Variants in GRIN2A observed in about 807,000 individuals in gnomAD.
GRIN2A encodes glutamate ionotropic receptor NMDA type subunit 2A.
A neutral mutation model predicts 113.4 loss-of-function variants in GRIN2A; 22 were observed. The observed-to-expected ratio is 0.19, with a 90% CI of 0.14 to 0.28. The LOEUF is 0.28. GRIN2A is among the 10% of genes least tolerant of loss of function. GRIN2A has a pLI of 1.00. For missense variants in GRIN2A, 1,502 were observed against 1,887.0 expected (o/e 0.80, Z 3.78); for synonymous variants, 827 against 738.4 (o/e 1.12, Z -1.94).
At chr16:10,102,949 C>T (rs1003108735) in intron 2 of GRIN2A, among the ~76,000 whole-genome samples, 6 of 152,184 alleles carry the variant, frequency 3.9e-5, no homozygotes, top group Non-Finnish European at 7.4e-5. Context: ...GTGGATGCCT[C>T]GGTTGCTGCA....
At position 9,808,312 on chromosome 16, in the gene GRIN2A, A is replaced by G. The variant is rs543056311; in HGVS notation, c.2169-9848T>C. On this transcript the variant is annotated intron_variant, in intron 10 of 12. Transcript: ENST00000330684. ...AGTCTAAGATGTTAATAACTTGTCCAAGGTCCCAACACTGGATGTCACTGG... is the reference window on the plus strand; with the variant it reads ...AGTCTAAGATGTTAATAACTTGTCCGAGGTCCCAACACTGGATGTCACTGG... 2.5e-3 allele frequency among the ~76,000 whole-genome samples: 382 copies of G among 152,288 alleles called. 3 individuals carry two copies. The highest frequency in any genetic ancestry group is 8.7e-3 in the African/African-American group (362 of 41,548).
At chr16:9,866,185 T>C (rs1415399824) in intron 4 of GRIN2A, among the ~76,000 whole-genome samples, 2 of 152,008 alleles carry the variant, frequency 1.3e-5, no homozygotes, top group Non-Finnish European at 2.9e-5. Context: ...AAACAGAAAA[T>C]GCTAACAGCC....
intron 2 of GRIN2A, among the ~76,000 whole-genome samples, chr16:9,973,928 G>C (rs1404242540): frequency 6.6e-6 from 1 of 152,128 alleles, no homozygotes; most frequent in Admixed American, 6.5e-5. Context: ...AGTTATTCAA[G>C]CTGATACAAG....
rs35189803 is a variant in GRIN2A at position 9,760,374 on chromosome 16, A to ATTTTTTTTTTT, written c.*2764_*2774dup. 111 of 94,034 alleles carry ATTTTTTTTTTT rather than the reference A, an allele frequency of 1.2e-3. 2 individuals are homozygous for ATTTTTTTTTTT. The highest frequency in any genetic ancestry group is 1.8e-3 in the African/African-American group (36 of 20,242). The allele number at this position is 94,034 out of a possible 1,614,324, so 5.8% of individuals were successfully genotyped here. ...AAATTGACCATCTGATCAGTAGTTG[A>ATTTTTTTTTTT]TTTTTTTTTTTTTTTTTTTTTTTTG... On this transcript the variant is annotated 3_prime_UTR_variant, in exon 13 of 13. Coordinates refer to ENST00000330684, the MANE Select transcript of GRIN2A (RefSeq NM_001134407.3).
chr16:9,769,293 G>A (rs963435805), intron 11 of GRIN2A: 1 of 420,100 alleles, frequency 2.4e-6, no homozygotes, highest in Admixed American at 3.6e-5. Flanking sequence ...TTGCAGTGAG[G>A]ACAAAATTTA....
chr16:9,957,923 A>G (rs2045343521), intron 2 of GRIN2A, among the ~76,000 whole-genome samples: 1 of 152,172 alleles, frequency 6.6e-6, no homozygotes, highest in Non-Finnish European at 1.5e-5. Context: ...GGCCACTGAT[A>G]TGAAGGGCTT....
At chr16:10,128,306 T>C (rs73514608) in intron 2 of GRIN2A, among the ~76,000 whole-genome samples, 1 of 152,306 alleles carries the variant, frequency 6.6e-6, no homozygotes, top group African/African-American at 2.4e-5. Flanking sequence ...CAGTGAATTA[T>C]CAAAGATAAG....
At chr16:9,828,634 G>C (rs1279364858) in intron 9 of GRIN2A, among the ~76,000 whole-genome samples, 2 of 152,136 alleles carry the variant, frequency 1.3e-5, no homozygotes, top group Non-Finnish European at 2.9e-5. Context: ...GTCTCAATAG[G>C]AGGATGCACC....
At chr16:9,886,178 G>A (rs1474795966) in intron 4 of GRIN2A, among the ~76,000 whole-genome samples, 1 of 152,134 alleles carries the variant, frequency 6.6e-6, no homozygotes, top group Non-Finnish European at 1.5e-5. Flanking sequence ...ATCGCAGATT[G>A]TGTAACATCA....
At chr16:10,073,145 G>A (rs1263743498) in intron 2 of GRIN2A, among the ~76,000 whole-genome samples, 1 of 151,752 alleles carries the variant, frequency 6.6e-6, no homozygotes, top group Admixed American at 6.6e-5. Context: ...TAGTAGAGAT[G>A]GGGTTTCACC....
At chr16:9,998,075 T>C (rs989474192) in intron 2 of GRIN2A, among the ~76,000 whole-genome samples, 3 of 152,252 alleles carry the variant, frequency 2.0e-5, no homozygotes, top group Non-Finnish European at 4.4e-5. Flanking sequence ...TAATAGGTTA[T>C]GCTTTTTGTT....
At chr16:10,134,112 C>A (rs1392121163) in intron 2 of GRIN2A, among the ~76,000 whole-genome samples, 1 of 149,312 alleles carries the variant, frequency 6.7e-6, no homozygotes, top group Non-Finnish European at 1.5e-5. Flanking sequence ...GGGAGAATCA[C>A]TTGAGACCAG....
In GRIN2A at chr16:9,840,978, A is replaced by G. The variant is rs183123732; in HGVS notation, c.1455T>C (p.His485=). The change falls in exon 6 of 13, where the codon CAT becomes CAC. Residue 485 remains histidine (H), a synonymous_variant. Transcript: ENST00000330684. The stretch of plus-strand genomic sequence containing the variant: ...TCCACACATTGTTAACTTTCTTGCC[A>G]TGCTTCCCATTGGTCACCAGATAGA... ...YDLYLVTNGK[H]GKKVNNVWNG... The G allele has an allele frequency of 3.7e-6, 6 of 1,613,962 alleles. No individual in the cohort carries two copies. Among genetic ancestry groups the G allele is most frequent in the Middle Eastern group, 3.3e-4 (2 of 6,060 alleles).
intron 2 of GRIN2A, among the ~76,000 whole-genome samples, chr16:10,058,186 C>T (rs956443999): frequency 6.6e-6 from 1 of 151,590 alleles, no homozygotes; most frequent in African/African-American, 2.4e-5. Flanking sequence ...ACCCGGGAGG[C>T]AGAGGTTGCA....
chr16:9,754,473 A>C lies in GRIN2A; in HGVS notation c.*8676T>G. The C allele has an allele frequency of 4.7e-6, 1 of 210,738 alleles. No individual in the cohort carries two copies. The highest frequency in any genetic ancestry group is 9.6e-6 in the Non-Finnish European group (1 of 103,818). 13.1% of individuals were successfully genotyped at this position (210,738 alleles called of 1,614,324 possible). On this transcript the variant is annotated 3_prime_UTR_variant, in exon 13 of 13. Coordinates refer to ENST00000330684, the MANE Select transcript of GRIN2A (RefSeq NM_001134407.3). ...CCCAGTGAAAAATTTGGGGAACATGAATGTTAAAAGTTCCACTTTCATCTT... is the reference window on the plus strand; with the variant it reads ...CCCAGTGAAAAATTTGGGGAACATGCATGTTAAAAGTTCCACTTTCATCTT...
chr16:10,023,838 T>C (rs1414529940), intron 2 of GRIN2A, among the ~76,000 whole-genome samples: 1 of 152,212 alleles, frequency 6.6e-6, no homozygotes, highest in Non-Finnish European at 1.5e-5. Context: ...GAGGTGGACA[T>C]GGGCACCATT....
intron 10 of GRIN2A, chr16:9,805,532 G>A (rs2041949335): frequency 6.6e-6 from 1 of 152,080 alleles, no homozygotes; most frequent in African/African-American, 2.4e-5. Flanking sequence ...GAGGTCAGTT[G>A]GCATGTTTGG....
chr16:9,921,243 A>G (rs1239670078), intron 3 of GRIN2A, among the ~76,000 whole-genome samples: 2 of 152,236 alleles, frequency 1.3e-5, no homozygotes, highest in Non-Finnish European at 2.9e-5. Context: ...TGTAGTTTAT[A>G]AAATTAATTT....
intron 5 of GRIN2A, among the ~76,000 whole-genome samples, chr16:9,845,793 G>A (rs541541253): frequency 4.6e-5 from 7 of 152,108 alleles, no homozygotes; most frequent in Admixed American, 6.5e-5. Context: ...CACATACCCC[G>A]ATGTACTCTC....
Sources: allele counts gnomAD v4.1 joint callset (sites outside exome capture counted in the v4.1 genomes callset), GRCh38; gene constraint gnomAD v4.1.1; transcripts MANE v1.5; gene names NCBI Gene and HGNC (gene_info 2026-07-23, HGNC 2026-07-21).